Variants in PLXNA2 observed in about 807,000 individuals in gnomAD.
The protein encoded by PLXNA2 is plexin A2.
In PLXNA2, 91 loss-of-function variants were observed where a neutral mutation model predicts 193.5. The observed-to-expected ratio is 0.47, with a 90% CI of 0.40 to 0.56. PLXNA2 has a LOEUF of 0.56. PLXNA2 is among the 20% of genes least tolerant of loss of function. The pLI, the probability that PLXNA2 is intolerant of heterozygous loss-of-function variation, is 0.00. For missense variants in PLXNA2, 1,995 were observed against 2,503.2 expected, an observed-to-expected ratio of 0.80 and a Z score of 4.33; for synonymous variants, 997 against 1,027.3, an observed-to-expected ratio of 0.97 and a Z score of 0.56.
intron 14 of PLXNA2, among the ~76,000 whole-genome samples, chr1:208,052,854 C>G (rs1415289260): frequency 2.0e-5 from 3 of 151,398 alleles, no homozygotes; most frequent in African/African-American, 7.3e-5. Flanking sequence ...CTGAATAAAG[C>G]ATCCCTGCCT....
chr1:208,181,712 T>C lies in PLXNA2; in HGVS notation c.1371+28568A>G, dbSNP rs895427656. ...CAAAACCTCCCACCTCTTTCCGCCA[T>C]CTGTAGACCAGGCCGTTGTGGGCCC... On this transcript the variant is annotated intron_variant, in intron 3 of 31. Coordinates refer to ENST00000367033, the MANE Select transcript of PLXNA2 (RefSeq NM_025179.4). 1.3e-4 allele frequency among the ~76,000 whole-genome samples: 20 copies of C among 152,144 alleles called. No homozygotes were observed. The East Asian group carries it at 1.3e-3, about 10-fold the overall frequency.
At chr1:208,119,464 C>A (rs1464658690) in intron 4 of PLXNA2, among the ~76,000 whole-genome samples, 1 of 152,222 alleles carries the variant, frequency 6.6e-6, no homozygotes, top group Non-Finnish European at 1.5e-5. Context: ...CACAAGAAAT[C>A]AAATCAATCC....
intron 3 of PLXNA2, among the ~76,000 whole-genome samples, chr1:208,189,069 G>T (rs1022651062): frequency 1.3e-5 from 2 of 152,170 alleles, no homozygotes; most frequent in South Asian, 2.1e-4. Context: ...TACGAGAAGC[G>T]CAAAGAAAAG....
At chr1:208,055,743 C>T (rs556275793) in intron 13 of PLXNA2, among the ~76,000 whole-genome samples, 75 of 152,254 alleles carry the variant, frequency 4.9e-4, no homozygotes, top group Non-Finnish European at 7.9e-4. Context: ...GATTTCATTT[C>T]GATGTAATAA....
chr1:208,045,842 C>T (rs1665044623), intron 18 of PLXNA2, 36 bp downstream of exon 18: 1 of 1,610,268 alleles, frequency 6.2e-7, no homozygotes, highest in Non-Finnish European at 8.5e-7. Flanking sequence ...GGCATTGCTG[C>T]CCCTGGTGGC....
intron 17 of PLXNA2, among the ~76,000 whole-genome samples, chr1:208,050,600 A>G (rs1665224579): frequency 6.6e-6 from 1 of 152,238 alleles, no homozygotes; most frequent in African/African-American, 2.4e-5. Context: ...TGGGAGGCCA[A>G]GGCGGGAGGA....
At chr1:208,071,722 A>G (rs1307841341) in intron 12 of PLXNA2, among the ~76,000 whole-genome samples, 1 of 152,150 alleles carries the variant, frequency 6.6e-6, no homozygotes, top group Non-Finnish European at 1.5e-5. Flanking sequence ...TCCTGACACC[A>G]TCCCCTGTTA....
chr1:208,218,251 T>C (rs111360754), intron 1 of PLXNA2, among the ~76,000 whole-genome samples: 30 of 152,210 alleles, frequency 2.0e-4, no homozygotes, highest in Non-Finnish European at 3.7e-4. Flanking sequence ...ACAAAGCATC[T>C]CTATTTCTGG....
At chr1:208,221,821 A>G (rs2102621689) in intron 1 of PLXNA2, among the ~76,000 whole-genome samples, 1 of 152,314 alleles carries the variant, frequency 6.6e-6, no homozygotes, top group African/African-American at 2.4e-5. Context: ...CGATATAACA[A>G]TTAAATGCAT....
intron 3 of PLXNA2, among the ~76,000 whole-genome samples, chr1:208,160,123 G>A (rs1012619216): frequency 6.6e-6 from 1 of 152,156 alleles, no homozygotes; most frequent in South Asian, 2.1e-4. Context: ...AACCCAACCC[G>A]TCTCTCCCAC....
intron 13 of PLXNA2, among the ~76,000 whole-genome samples, chr1:208,054,974 G>A (rs1665378745): frequency 6.6e-6 from 1 of 152,190 alleles, no homozygotes; most frequent in African/African-American, 2.4e-5. Flanking sequence ...GAGTGGGTGA[G>A]GGCATGTTTG....
chr1:208,156,696 G>A (rs937915755), intron 3 of PLXNA2, among the ~76,000 whole-genome samples: 1 of 152,134 alleles, frequency 6.6e-6, no homozygotes, highest in African/African-American at 2.4e-5. Context: ...TCTGCTGTCT[G>A]AGCCTCATCT....
chr1:208,113,404 C>T (rs1357085796), intron 4 of PLXNA2, among the ~76,000 whole-genome samples: 1 of 152,212 alleles, frequency 6.6e-6, no homozygotes, highest in East Asian at 1.9e-4. Context: ...AGCTTGACTT[C>T]TTCCAAGAAC....
intron 29 of PLXNA2, chr1:208,030,990 C>G: frequency 1.0e-6 from 1 of 988,406 alleles, no homozygotes; most frequent in Non-Finnish European, 1.2e-6. Flanking sequence ...GCAGGGCATT[C>G]TGCCTGCTGC....
intron 4 of PLXNA2, among the ~76,000 whole-genome samples, chr1:208,113,052 A>G (rs974782268): frequency 6.7e-6 from 1 of 149,564 alleles, no homozygotes; most frequent in African/African-American, 2.5e-5. Context: ...TGTTGTCTCC[A>G]TGACAACAGT....
chr1:208,160,801 T>C (rs1044916618), intron 3 of PLXNA2, among the ~76,000 whole-genome samples: 23 of 152,254 alleles, frequency 1.5e-4, no homozygotes, highest in Non-Finnish European at 3.2e-4. Context: ...CATAGATTAA[T>C]TATTCTCAGA....
chr1:208,074,601 G>A (rs1020899936), intron 12 of PLXNA2, among the ~76,000 whole-genome samples: 5 of 152,236 alleles, frequency 3.3e-5, no homozygotes, highest in African/African-American at 1.2e-4. Context: ...GATGGGGTAA[G>A]GAGGGGTTAA....
At chr1:208,112,144 A>AT (rs1367791486) in intron 4 of PLXNA2, among the ~76,000 whole-genome samples, 1 of 152,018 alleles carries the variant, frequency 6.6e-6, no homozygotes, top group African/African-American at 2.4e-5. Flanking sequence ...TTTCAATGAC[A>AT]TTTTTTTTCC....
intron 3 of PLXNA2, among the ~76,000 whole-genome samples, chr1:208,148,420 C>T (rs763408679): frequency 1.3e-5 from 2 of 152,144 alleles, no homozygotes; most frequent in Non-Finnish European, 2.9e-5. Flanking sequence ...GGGATTTAAT[C>T]CCAAGGTTTT....
Sources: gnomAD v4.1 joint callset for allele counts (sites outside exome capture counted in the v4.1 genomes callset) on GRCh38, gnomAD v4.1.1 for gene constraint, MANE v1.5 for transcripts, NCBI Gene and HGNC (gene_info 2026-07-23, HGNC 2026-07-21) for gene names.